CEP162: variants seen among roughly 807,000 people sequenced by gnomAD.
The protein encoded by CEP162 is centrosomal protein of 162 kDa.
In CEP162, 141 loss-of-function variants were observed where a neutral mutation model predicts 169.2. That is an observed-to-expected ratio of 0.83 (90% CI 0.73 to 0.96). The LOEUF is 0.96. CEP162 is among the 40% of genes least tolerant of loss of function. CEP162 has a pLI of 0.00. For synonymous variants in CEP162, 540 were observed against 526.4 expected, an observed-to-expected ratio of 1.03 and a Z score of -0.35; for missense variants, 1,600 against 1,587.2, an observed-to-expected ratio of 1.01 and a Z score of -0.14.
In CEP162 at chr6:84,200,525, C is replaced by T. The variant is rs577349964; in HGVS notation, c.835+264G>A. Among the ~76,000 whole-genome samples the T allele has an allele frequency of 5.9e-5, 9 of 152,210 alleles. No individual in the cohort carries two copies. The South Asian group carries it at 1.0e-3, about 18-fold the overall frequency. On this transcript the variant is annotated intron_variant, in intron 9 of 26. Coordinates refer to ENST00000403245, the MANE Select transcript of CEP162 (RefSeq NM_014895.4). ...GGCATAGAAAATTAGTTAACGTTCA[C>T]CTACAGTGCTACACTATTATCAACA...
intron 13 of CEP162, among the ~76,000 whole-genome samples, chr6:84,179,987 C>T (rs2099534081): frequency 6.6e-6 from 1 of 152,130 alleles, no homozygotes; most frequent in Non-Finnish European, 1.5e-5. Context: ...TTCCCTAACT[C>T]ATTTTATGAG....
intron 25 of CEP162, among the ~76,000 whole-genome samples, chr6:84,140,895 G>T (rs147713826): frequency 1.3e-4 from 20 of 152,222 alleles, no homozygotes; most frequent in African/African-American, 4.8e-4. Context: ...TGGTACCAGG[G>T]ACTGGTTTTG....
chr6:84,200,588 C>T (rs1006549628), intron 9 of CEP162, among the ~76,000 whole-genome samples: 1 of 152,104 alleles, frequency 6.6e-6, no homozygotes, highest in Non-Finnish European at 1.5e-5. Flanking sequence ...TATTTAAAAC[C>T]TCACTTTACT....
In CEP162 at chr6:84,171,656, C is replaced by T; in HGVS notation, c.2229G>A (p.Glu743=). The change falls in exon 17 of 27, where the codon GAG becomes GAA. Residue 743 remains glutamate, a synonymous_variant. Coordinates refer to ENST00000403245, the MANE Select transcript of CEP162 (RefSeq NM_014895.4). ...DLQEQNKKNE[E]RMFKENQSLF... is the part of the protein sequence containing the mutation. ...AACTTTGGTTTTCCTTAAACATTCG[C>T]TCCTCATTTTTCTTGTTTTGTTCTT... The T allele has an allele frequency of 1.3e-6, 2 of 1,553,724 alleles. No individual in the cohort carries two copies. Among genetic ancestry groups the T allele is most frequent in the South Asian group, 2.5e-5 (2 of 80,528 alleles).
At chr6:84,158,513 T>C (rs1243855478) in intron 21 of CEP162, among the ~76,000 whole-genome samples, 1 of 152,210 alleles carries the variant, frequency 6.6e-6, no homozygotes, top group Non-Finnish European at 1.5e-5. Flanking sequence ...AAGGGGCATA[T>C]GATTTACATA....
intron 13 of CEP162, among the ~76,000 whole-genome samples, chr6:84,181,607 C>A (rs533260198): frequency 1.3e-5 from 2 of 151,956 alleles, no homozygotes; most frequent in Non-Finnish European, 2.9e-5. Flanking sequence ...TATTTGGAAC[C>A]CACGAAACCT....
At chr6:84,157,093 T>C (rs2099523518) in intron 21 of CEP162, among the ~76,000 whole-genome samples, 2 of 152,154 alleles carry the variant, frequency 1.3e-5, no homozygotes, top group African/African-American at 2.4e-5. Flanking sequence ...AAATCTGCAA[T>C]TGTACCCCCT....
At chr6:84,142,094 A>G (rs1011161760) in intron 25 of CEP162, among the ~76,000 whole-genome samples, 2 of 152,122 alleles carry the variant, frequency 1.3e-5, no homozygotes, top group African/African-American at 2.4e-5. Flanking sequence ...GAGGGAGAAG[A>G]GTTTGTTTTT....
intron 2 of CEP162, among the ~76,000 whole-genome samples, chr6:84,223,524 T>A (rs898862119): frequency 6.8e-6 from 1 of 147,388 alleles, no homozygotes; most frequent in Non-Finnish European, 1.5e-5. Flanking sequence ...AATAAATAAA[T>A]AAATAAAAAT....
At position 84,174,955 on chromosome 6, in the gene CEP162, C is replaced by T; in HGVS notation, c.1798-1G>A. ...TCTCACCACAGTATCCTAAGGAATC[C>T]TTTCAAGACAAAGCATTACTTCATT... On this transcript the variant is annotated splice_acceptor_variant, in intron 14 of 26. Transcript: ENST00000403245. LOFTEE classifies it high-confidence loss of function. 7 of 1,573,844 alleles carry T rather than the reference C, an allele frequency of 4.4e-6. No homozygotes were observed. The highest frequency in any genetic ancestry group is 2.3e-5 in the South Asian group (2 of 87,290).
chr6:84,218,471 T>C (rs2099552402), intron 3 of CEP162, among the ~76,000 whole-genome samples: 1 of 152,256 alleles, frequency 6.6e-6, no homozygotes, highest in African/African-American at 2.4e-5. Flanking sequence ...TTTAATAGTA[T>C]ATGTTTGTTG....
chr6:84,134,472 G>A lies in CEP162; in HGVS notation c.3871-7960C>T, dbSNP rs368542041. Among the ~76,000 whole-genome samples, 18 of 152,342 alleles carry A rather than the reference G, an allele frequency of 1.2e-4. No homozygotes were observed. The East Asian group carries it at 3.5e-3, about 29-fold the overall frequency. Reference sequence around the variant, plus strand: ...TGTGCTTGAAACCCAGGGCCCTGGTGGCGTAGGCACCCAAGTGAATCTTCT... The same window carrying A: ...TGTGCTTGAAACCCAGGGCCCTGGTAGCGTAGGCACCCAAGTGAATCTTCT... On this transcript the variant is annotated intron_variant, in intron 25 of 26. Coordinates refer to ENST00000403245, the MANE Select transcript of CEP162 (RefSeq NM_014895.4).
At chr6:84,129,768 T>G (rs973254880) in intron 25 of CEP162, among the ~76,000 whole-genome samples, 3 of 152,138 alleles carry the variant, frequency 2.0e-5, no homozygotes, top group Non-Finnish European at 4.4e-5. Flanking sequence ...ACTGAGATGA[T>G]GGGGTTTTCT....
intron 17 of CEP162, among the ~76,000 whole-genome samples, chr6:84,169,851 A>G (rs1027930844): frequency 1.3e-5 from 2 of 152,148 alleles, no homozygotes; most frequent in African/African-American, 4.8e-5. Flanking sequence ...AACACAGCCT[A>G]ATATCTGGAC....
chr6:84,133,157 C>G (rs1041082956), intron 25 of CEP162, among the ~76,000 whole-genome samples: 1 of 152,182 alleles, frequency 6.6e-6, no homozygotes, highest in Non-Finnish European at 1.5e-5. Flanking sequence ...GTATCACCAG[C>G]AGAGGCTGCA....
rs538034727 is a variant in CEP162 at position 84,225,293 on chromosome 6, T to C, written c.57+1044A>G. 7.2e-5 allele frequency among the ~76,000 whole-genome samples: 11 copies of C among 152,314 alleles called. No individual in the cohort carries two copies. The South Asian group carries it at 1.9e-3, about 26-fold the overall frequency. ...TACTCCACACCTAGGCTATATGGTA[T>C]AGCTTATTGCTCCTAGGTTACAAAG... On this transcript the variant is annotated intron_variant, in intron 2 of 26. Coordinates refer to ENST00000403245, the MANE Select transcript of CEP162 (RefSeq NM_014895.4).
At chr6:84,219,221 T>G (rs1453048878) in intron 3 of CEP162, 2 of 1,134,944 alleles carry the variant, frequency 1.8e-6, no homozygotes, top group Non-Finnish European at 2.4e-6. Context: ...ATGCCTAGTA[T>G]TTAGAACATA....
At chr6:84,167,549 T>G (rs949644389) in intron 18 of CEP162, among the ~76,000 whole-genome samples, 3 of 152,166 alleles carry the variant, frequency 2.0e-5, no homozygotes, top group Non-Finnish European at 4.4e-5. Flanking sequence ...GAGCAAATCA[T>G]CAGCTGGATT....
chr6:84,220,002 C>T (rs1211033683), intron 3 of CEP162, among the ~76,000 whole-genome samples: 1 of 152,096 alleles, frequency 6.6e-6, no homozygotes, highest in Non-Finnish European at 1.5e-5. Context: ...GAAAGGCATT[C>T]TAATGGCAAG....
Sources: gnomAD v4.1 joint callset for allele counts (sites outside exome capture counted in the v4.1 genomes callset) on GRCh38, gnomAD v4.1.1 for gene constraint, MANE v1.5 for transcripts, NCBI Gene and HGNC (gene_info 2026-07-23, HGNC 2026-07-21) for gene names.